ARHGEF6: variants seen among roughly 807,000 people sequenced by gnomAD.
The protein encoded by ARHGEF6 is rho guanine nucleotide exchange factor 6.
A neutral mutation model predicts 70.3 loss-of-function variants in ARHGEF6; 9 were observed. The ratio of observed to expected loss-of-function variants is 0.13; its 90% CI spans 0.08 to 0.22. The LOEUF (loss-of-function observed/expected upper bound fraction) is 0.22, where lower values mean the gene tolerates loss of function less well. Ranked by LOEUF, ARHGEF6 falls within the 10% of genes least tolerant of loss-of-function variation. ARHGEF6 has a pLI of 1.00. For missense variants in ARHGEF6, 470 were observed against 563.0 expected, an observed-to-expected ratio of 0.83 and a Z score of 1.67; for synonymous variants, 201 against 207.8, an observed-to-expected ratio of 0.97 and a Z score of 0.28.
intron 2 of ARHGEF6, among the ~76,000 whole-genome samples, chrX:136,775,361 T>C (rs1465659280): frequency 8.9e-6 from 1 of 112,022 alleles, no homozygotes; most frequent in Non-Finnish European, 1.9e-5. Context: ...ATCAAATGGG[T>C]TTCATACCAG....
intron 6 of ARHGEF6, among the ~76,000 whole-genome samples, chrX:136,726,774 T>A (rs1232515471): frequency 8.9e-6 from 1 of 112,645 alleles, no homozygotes; most frequent in East Asian, 2.8e-4. Context: ...ATTTTCCTAC[T>A]TGGATGGGGG....
At chrX:136,673,553 C>T (rs1314507478) in intron 19 of ARHGEF6, among the ~76,000 whole-genome samples, 1 of 111,770 alleles carries the variant, frequency 8.9e-6, no homozygotes, top group Non-Finnish European at 1.9e-5. Context: ...GACCCATCCA[C>T]TCTGTCAAAT....
chrX:136,693,054 C>G (rs1194070121), intron 9 of ARHGEF6, among the ~76,000 whole-genome samples: 1 of 112,033 alleles, frequency 8.9e-6, no homozygotes, highest in South Asian at 3.7e-4. Context: ...TGGAGAAAAT[C>G]ATTTTCCTAA....
chrX:136,769,788 G>T (rs1230117704), intron 2 of ARHGEF6, among the ~76,000 whole-genome samples: 1 of 112,164 alleles, frequency 8.9e-6, no homozygotes, highest in Non-Finnish European at 1.9e-5. Context: ...TAGACAGGAG[G>T]ATTCTTCCAT....
chrX:136,676,411 A>T (rs1340747347), intron 18 of ARHGEF6, among the ~76,000 whole-genome samples: 1 of 112,609 alleles, frequency 8.9e-6, no homozygotes, highest in Non-Finnish European at 1.9e-5. Context: ...TACAGATGAC[A>T]TCTGCCTAAG....
chrX:136,766,867 C>A (rs1444040500), intron 2 of ARHGEF6, among the ~76,000 whole-genome samples: 1 of 112,517 alleles, frequency 8.9e-6, no homozygotes, highest in Non-Finnish European at 1.9e-5. Context: ...AGGAAAGAAT[C>A]CAGTCGGATG....
At position 136,710,537 on chromosome X, in the gene ARHGEF6, C is replaced by G. The variant is rs375934916; in HGVS notation, c.828-1767G>C. On this transcript the variant is annotated intron_variant, in intron 7 of 21. Coordinates refer to ENST00000250617, the MANE Select transcript of ARHGEF6 (RefSeq NM_004840.3). ...TTCTAAAGTGAAACCTTTAGCCAAC[C>G]AACTTCCCTGGTTGTTGCTCTCTCA... Among the ~76,000 whole-genome samples, 91 of 108,620 alleles carry G rather than the reference C, an allele frequency of 8.4e-4. No homozygotes were observed. In the South Asian group the frequency reaches 0.02, roughly 24 times the overall value. 94.3% of individuals were successfully genotyped at this position (108,620 alleles called of 115,157 possible).
In ARHGEF6 at chrX:136,713,406, C is replaced by T. The variant is rs200366149; in HGVS notation, c.733-36G>A. 1.2e-4 allele frequency: 125 copies of T among 1,062,545 alleles called. 1 individual carries two copies. The East Asian group carries it at 3.1e-3, about 27-fold the overall frequency. 87.6% of individuals were successfully genotyped at this position (1,062,545 alleles called of 1,213,427 possible). On this transcript the variant is annotated intron_variant, in intron 6 of 21. Coordinates refer to ENST00000250617, the MANE Select transcript of ARHGEF6 (RefSeq NM_004840.3). Reference sequence around the variant, plus strand: ...AAAAGTCAATGTATTATAATCATCACGATAGTCTAAGGCAAAATGTAGCTT... The same window carrying T: ...AAAAGTCAATGTATTATAATCATCATGATAGTCTAAGGCAAAATGTAGCTT...
At position 136,681,775 on chromosome X, in the gene ARHGEF6, G is replaced by A. The variant is rs185048775; in HGVS notation, c.1558+115C>T. On this transcript the variant is annotated intron_variant, in intron 14 of 21. Transcript: ENST00000250617. ...AAATGGAATATACTTTGCCATGCCC[G>A]CATAAAATTTGCTCGTGGCCTATGT... is the stretch of plus-strand genomic sequence containing the variant. 5.4e-5 allele frequency: 33 copies of A among 611,787 alleles called. No homozygotes were observed. The East Asian group carries it at 1.1e-3, about 21-fold the overall frequency. 50.4% of individuals were successfully genotyped at this position (611,787 alleles called of 1,213,427 possible).
intron 11 of ARHGEF6, among the ~76,000 whole-genome samples, chrX:136,687,114 G>A (rs2076411206): frequency 9.0e-6 from 1 of 111,512 alleles, no homozygotes; most frequent in Non-Finnish European, 1.9e-5. Flanking sequence ...TCACTGGGCT[G>A]TTCTATTAGC....
At chrX:136,675,767 G>A (rs1307038621) in intron 18 of ARHGEF6, among the ~76,000 whole-genome samples, 4 of 110,538 alleles carry the variant, frequency 3.6e-5, no homozygotes, top group Admixed American at 1.9e-4. Context: ...TGATCTGCCC[G>A]CCTCAGCCTC....
intron 12 of ARHGEF6, among the ~76,000 whole-genome samples, chrX:136,683,059 C>CT (rs1442752511): frequency 2.7e-5 from 3 of 111,828 alleles, no homozygotes; most frequent in Admixed American, 9.5e-5. Context: ...CTCTCTTCTT[C>CT]TTATACATAA....
intron 2 of ARHGEF6, among the ~76,000 whole-genome samples, chrX:136,765,636 T>C (rs2148680515): frequency 8.9e-6 from 1 of 112,862 alleles, no homozygotes; most frequent in East Asian, 2.8e-4. Context: ...ATACCATCCA[T>C]AAAATGTGCC....
In ARHGEF6 at chrX:136,715,896, G is replaced by A. The variant is rs192003490; in HGVS notation, c.733-2526C>T. On this transcript the variant is annotated intron_variant, in intron 6 of 21. Coordinates refer to ENST00000250617, the MANE Select transcript of ARHGEF6 (RefSeq NM_004840.3). ...GCCCTCAGGAGAAACTATTTTACCAGAGCATAACCTATTTTTTGTTTGTTT... is the reference window on the plus strand; with the variant it reads ...GCCCTCAGGAGAAACTATTTTACCAAAGCATAACCTATTTTTTGTTTGTTT... 3.6e-5 allele frequency among the ~76,000 whole-genome samples: 4 copies of A among 112,476 alleles called. No individual in the cohort carries two copies. In the East Asian group the frequency reaches 1.1e-3, roughly 31 times the overall value.
At chrX:136,673,689 C>A (rs1290742587) in intron 19 of ARHGEF6, among the ~76,000 whole-genome samples, 1 of 111,169 alleles carries the variant, frequency 9.0e-6, no homozygotes, top group Non-Finnish European at 1.9e-5. Context: ...CCTCTCCTGG[C>A]TCCTTGAAAC....
intron 19 of ARHGEF6, 24 bp from the exon 20 acceptor site, chrX:136,672,143 G>T (rs1234653379): frequency 9.2e-7 from 1 of 1,088,990 alleles, no homozygotes; most frequent in Non-Finnish European, 1.3e-6. Context: ...TTGCAAGATG[G>T]GGGAGGAGGG....
rs745445177 is a variant in ARHGEF6, at chrX:136,677,046, C to T, written c.1852-329G>A. Among the ~76,000 whole-genome samples the T allele has an allele frequency of 3.6e-5, 4 of 112,232 alleles. No homozygotes were observed. The South Asian group carries it at 1.1e-3, about 31-fold the overall frequency. The stretch of plus-strand genomic sequence containing the variant: ...AAGTAAGGGATGTCAACCCTAAAAA[C>T]GTAACAGTATTCCTAATTTGGTTTA... On this transcript the variant is annotated intron_variant, in intron 17 of 21. Transcript: ENST00000250617.
At chrX:136,732,290 C>T in intron 5 of ARHGEF6, 118 bp from the exon 6 acceptor site, 2 of 563,780 alleles carry the variant, frequency 3.5e-6, no homozygotes, top group South Asian at 5.5e-5. Context: ...TGGAAATGTA[C>T]ATTCCTAAAC....
intron 2 of ARHGEF6, among the ~76,000 whole-genome samples, chrX:136,759,885 TG>T (rs2077248317): frequency 8.9e-6 from 1 of 112,284 alleles, no homozygotes; most frequent in Admixed American, 9.5e-5. Flanking sequence ...TTACCAGATT[TG>T]CCTAAGTAGA....
Sources: allele counts gnomAD v4.1 joint callset (sites outside exome capture counted in the v4.1 genomes callset), GRCh38; gene constraint gnomAD v4.1.1; transcripts MANE v1.5; gene names NCBI Gene and HGNC (gene_info 2026-07-23, HGNC 2026-07-21).